Variants in FHIT observed in about 807,000 individuals in gnomAD.
FHIT encodes bis(5'-adenosyl)-triphosphatase.
In FHIT, 19 loss-of-function variants were observed where a neutral mutation model predicts 17.9. The observed-to-expected ratio is 1.06, with a 90% CI of 0.74 to 1.56. The LOEUF is 1.56. Ranked by LOEUF, FHIT falls within the 40% of genes most tolerant of loss-of-function variation. FHIT has a pLI of 0.00. For synonymous variants in FHIT, 81 were observed against 69.7 expected, an observed-to-expected ratio of 1.16 and a Z score of -0.81; for missense variants, 248 against 189.2, an observed-to-expected ratio of 1.31 and a Z score of -1.82.
At chr3:59,933,657 C>G (rs528455449) in intron 7 of FHIT, among the ~76,000 whole-genome samples, 4 of 152,158 alleles carry the variant, frequency 2.6e-5, no homozygotes, top group African/African-American at 9.7e-5. Flanking sequence ...ATGCCCCAGT[C>G]TGTTTGGAAC....
chr3:59,992,566 A>C (rs189915747), intron 7 of FHIT, among the ~76,000 whole-genome samples: 20 of 152,238 alleles, frequency 1.3e-4, no homozygotes, highest in Non-Finnish European at 2.8e-4. Context: ...ACAGCTGATG[A>C]TCAAAACATA....
intron 2 of FHIT, among the ~76,000 whole-genome samples, chr3:61,073,453 C>A (rs2034872889): frequency 6.6e-6 from 1 of 152,156 alleles, no homozygotes. Context: ...TGCGTCTGAT[C>A]CTGATGGAGA....
chr3:60,331,143 CTG>C (rs1709952549), intron 5 of FHIT, among the ~76,000 whole-genome samples: 1 of 152,212 alleles, frequency 6.6e-6, no homozygotes, highest in Non-Finnish European at 1.5e-5. Flanking sequence ...TCTAGACACT[CTG>C]GATTTCATGA....
At chr3:59,955,685 G>C (rs898142995) in intron 7 of FHIT, among the ~76,000 whole-genome samples, 2 of 152,096 alleles carry the variant, frequency 1.3e-5, no homozygotes, top group African/African-American at 4.8e-5. Context: ...AAATGGTATT[G>C]ATACTCAACC....
chr3:60,386,452 T>A (rs1367569574), intron 5 of FHIT, among the ~76,000 whole-genome samples: 1 of 152,196 alleles, frequency 6.6e-6, no homozygotes, highest in African/African-American at 2.4e-5. Context: ...AAAACATCCA[T>A]GGTTATTGCA....
At chr3:60,862,166 TTTTTTG>T (rs782326003) in intron 3 of FHIT, among the ~76,000 whole-genome samples, 100 of 150,820 alleles carry the variant, frequency 6.6e-4, no homozygotes, top group African/African-American at 1.1e-3. Flanking sequence ...AAATATGGAG[TTTTTTG>T]TTTTTGTTTT....
rs145066586 is a variant in FHIT, at chr3:61,129,825, G to T, written c.-164+70792C>A. Among the ~76,000 whole-genome samples, 710 of 152,270 alleles carry T rather than the reference G, an allele frequency of 4.7e-3. 2 individuals carry two copies. Among genetic ancestry groups the T allele is most frequent in the Non-Finnish European group, 7.3e-3 (494 of 68,024 alleles). ...TTAAATGTTCAGTAAATGATACCTT[G>T]TTTCTGAATTTCCCTAGCAGCACTG... On this transcript the variant is annotated intron_variant, in intron 2 of 9. Coordinates refer to ENST00000492590, the MANE Select transcript of FHIT (RefSeq NM_002012.4).
At chr3:60,811,509 C>T (rs1413610613) in intron 4 of FHIT, among the ~76,000 whole-genome samples, 6 of 152,094 alleles carry the variant, frequency 3.9e-5, no homozygotes, top group Admixed American at 6.6e-5. Context: ...TTAGCAGTAG[C>T]GGTTAGCAGA....
At chr3:60,205,327 A>T (rs951267536) in intron 5 of FHIT, among the ~76,000 whole-genome samples, 3 of 152,220 alleles carry the variant, frequency 2.0e-5, no homozygotes, top group Non-Finnish European at 4.4e-5. Flanking sequence ...ATCTCTCCAG[A>T]TATGTATATA....
At chr3:60,852,871 T>C (rs1046569701) in intron 3 of FHIT, among the ~76,000 whole-genome samples, 1 of 151,992 alleles carries the variant, frequency 6.6e-6, no homozygotes, top group Non-Finnish European at 1.5e-5. Flanking sequence ...AAAAGAAATA[T>C]TCCATTTTTT....
At chr3:61,085,483 T>C (rs2035276587) in intron 2 of FHIT, among the ~76,000 whole-genome samples, 1 of 152,164 alleles carries the variant, frequency 6.6e-6, no homozygotes, top group African/African-American at 2.4e-5. Flanking sequence ...GTTTTCTTAT[T>C]ACCGACATAA....
chr3:60,630,123 G>A (rs552088454), intron 4 of FHIT, among the ~76,000 whole-genome samples: 1 of 152,238 alleles, frequency 6.6e-6, no homozygotes, highest in East Asian at 1.9e-4. Context: ...TGTCCTAAAG[G>A]ACTCTATCAA....
intron 4 of FHIT, among the ~76,000 whole-genome samples, chr3:60,744,033 G>T (rs766506447): frequency 2.6e-5 from 4 of 151,878 alleles, no homozygotes; most frequent in Admixed American, 6.6e-5. Context: ...GCCCCCAGGG[G>T]TCAGAACCCA....
intron 4 of FHIT, among the ~76,000 whole-genome samples, chr3:60,541,079 A>G (rs1284096206): frequency 6.6e-6 from 1 of 152,094 alleles, no homozygotes; most frequent in Non-Finnish European, 1.5e-5. Context: ...CTATCCTCCC[A>G]ATCCCTGGGC....
intron 5 of FHIT, among the ~76,000 whole-genome samples, chr3:60,510,091 T>C (rs1401005916): frequency 6.6e-6 from 1 of 152,134 alleles, no homozygotes; most frequent in East Asian, 1.9e-4. Context: ...GAATAAAATG[T>C]CAGCTTCAGT....
intron 5 of FHIT, among the ~76,000 whole-genome samples, chr3:60,324,321 C>CA (rs1709576519): frequency 1.1e-5 from 1 of 94,062 alleles, no homozygotes; most frequent in Non-Finnish European, 2.2e-5. Flanking sequence ...CGCGATGGCT[C>CA]ACGCCTGTAA....
At chr3:60,906,604 A>G (rs577343840) in intron 3 of FHIT, among the ~76,000 whole-genome samples, 1 of 152,278 alleles carries the variant, frequency 6.6e-6, no homozygotes, top group Admixed American at 6.5e-5. Flanking sequence ...TTTTTACTCC[A>G]GGACATACTC....
At chr3:59,768,699 C>G (rs1480378560) in intron 8 of FHIT, among the ~76,000 whole-genome samples, 1 of 152,200 alleles carries the variant, frequency 6.6e-6, no homozygotes, top group African/African-American at 2.4e-5. Flanking sequence ...GAGAGGCTCA[C>G]TAAATACTTC....
chr3:60,309,295 G>A (rs892962164), intron 5 of FHIT, among the ~76,000 whole-genome samples: 1 of 151,890 alleles, frequency 6.6e-6, no homozygotes, highest in African/African-American at 2.4e-5. Context: ...TACAAGGGTG[G>A]GTGGGGATGG....
Sources: allele counts gnomAD v4.1 joint callset (sites outside exome capture counted in the v4.1 genomes callset), GRCh38; gene constraint gnomAD v4.1.1; transcripts MANE v1.5; gene names NCBI Gene and HGNC (gene_info 2026-07-23, HGNC 2026-07-21).